PRELID2: variants seen among roughly 807,000 people sequenced by gnomAD.
The protein encoded by PRELID2 is PRELI domain containing 2.
In PRELID2, 25 loss-of-function variants were observed where a neutral mutation model predicts 28.4. That is an observed-to-expected ratio of 0.88 (90% CI 0.64 to 1.23). The LOEUF (loss-of-function observed/expected upper bound fraction) is 1.23. Ranked by LOEUF, PRELID2 falls within the 50% of genes most tolerant of loss-of-function variation. The pLI, the probability that PRELID2 is intolerant of heterozygous loss-of-function variation, is 0.00. For missense variants in PRELID2, 201 were observed against 214.4 expected, an observed-to-expected ratio of 0.94 and a Z score of 0.39; for synonymous variants, 76 against 71.6, an observed-to-expected ratio of 1.06 and a Z score of -0.31.
the PRELID2 span, among the ~76,000 whole-genome samples, chr5:145,232,218 TAA>T: frequency 6.6e-6 from 1 of 152,154 alleles, no homozygotes; most frequent in Non-Finnish European, 1.5e-5. Context: ...ATGATGATAA[TAA>T]AGTGTATATT....
chr5:145,775,270 G>C (rs1758342252), intron 5 of PRELID2, among the ~76,000 whole-genome samples: 1 of 151,858 alleles, frequency 6.6e-6, no homozygotes, highest in Admixed American at 6.6e-5. Flanking sequence ...GCATAATCCA[G>C]CTTCACACCC....
At chr5:145,738,472 G>C (rs13169344) in intron 1 of PRELID2, among the ~76,000 whole-genome samples, 135,345 of 152,146 alleles carry the variant, frequency 0.89, 60,248 homozygotes, top group East Asian at 0.99. Flanking sequence ...AGTAGAAAAT[G>C]TGAGCAAAAA....
chr5:145,684,855 A>C (rs1326837041), intron 1 of PRELID2, among the ~76,000 whole-genome samples: 2 of 152,204 alleles, frequency 1.3e-5, no homozygotes, highest in African/African-American at 4.8e-5. Context: ...AACAGTCATC[A>C]TGGAGTCTAA....
At chr5:145,480,778 C>T (rs938875060) in intron 1 of PRELID2, among the ~76,000 whole-genome samples, 6 of 152,144 alleles carry the variant, frequency 3.9e-5, no homozygotes, top group Admixed American at 6.5e-5. Context: ...AATTTGCTTT[C>T]ATAAAATTTC....
rs570056404 is a variant in PRELID2 at position 145,810,516 on chromosome 5, T to C, written c.368+7378A>G. On this transcript the variant is annotated intron_variant, in intron 4 of 6. Coordinates refer to ENST00000683046, the MANE Select transcript of PRELID2 (RefSeq NM_205846.3). ...GTTTCCCAGTCCCATGCCTCTCAAA[T>C]TGAGGCACTCATAGCCCCAAAGATG... Among the ~76,000 whole-genome samples, 37 of 152,322 alleles carry C rather than the reference T, an allele frequency of 2.4e-4. No individual in the cohort carries two copies. The South Asian group carries it at 2.7e-3, about 11-fold the overall frequency.
At chr5:145,464,750 T>C in the PRELID2 span, among the ~76,000 whole-genome samples, 3 of 152,186 alleles carry the variant, frequency 2.0e-5, no homozygotes, top group Non-Finnish European at 2.9e-5. Context: ...AAATTGGCAA[T>C]TGGTTGGCAT....
chr5:145,507,310 C>T (rs2126638196), intron 1 of PRELID2, among the ~76,000 whole-genome samples: 1 of 152,116 alleles, frequency 6.6e-6, no homozygotes, highest in East Asian at 1.9e-4. Flanking sequence ...CAGTGTATGA[C>T]CTAAGCCTTA....
At chr5:145,363,937 G>A in the PRELID2 span, among the ~76,000 whole-genome samples, 3 of 151,842 alleles carry the variant, frequency 2.0e-5, no homozygotes, top group African/African-American at 7.3e-5. Flanking sequence ...AATATTATTT[G>A]GAGAAAAAAA....
intron 1 of PRELID2, among the ~76,000 whole-genome samples, chr5:145,503,404 G>A (rs1233187401): frequency 6.6e-6 from 1 of 151,902 alleles, no homozygotes; most frequent in African/African-American, 2.4e-5. Context: ...CAAATATTTG[G>A]ACCACAGAAC....
At chr5:145,633,117 T>A (rs1460458835) in intron 1 of PRELID2, among the ~76,000 whole-genome samples, 2 of 152,142 alleles carry the variant, frequency 1.3e-5, no homozygotes, top group African/African-American at 2.4e-5. Context: ...TTTTCCCTAG[T>A]CAAGCCTCCA....
chr5:145,666,329 T>C (rs949305204), intron 1 of PRELID2, among the ~76,000 whole-genome samples: 3 of 152,070 alleles, frequency 2.0e-5, no homozygotes, highest in Non-Finnish European at 4.4e-5. Context: ...TTTCTGATTC[T>C]CAAGATATGG....
chr5:145,363,508 C>A, the PRELID2 span, among the ~76,000 whole-genome samples: 1 of 151,984 alleles, frequency 6.6e-6, no homozygotes, highest in African/African-American at 2.4e-5. Flanking sequence ...GCTAATTGTG[C>A]AAGTGTTGTG....
At chr5:145,434,464 A>T in the PRELID2 span, among the ~76,000 whole-genome samples, 1 of 152,202 alleles carries the variant, frequency 6.6e-6, no homozygotes, top group Admixed American at 6.5e-5. Flanking sequence ...ACACGTACAC[A>T]TGTACAGAGA....
At chr5:145,365,697 A>G in the PRELID2 span, among the ~76,000 whole-genome samples, 1 of 151,880 alleles carries the variant, frequency 6.6e-6, no homozygotes, top group Non-Finnish European at 1.5e-5. Context: ...TGGTCTATAA[A>G]TAATGTGCCT....
chr5:145,405,869 C>T, the PRELID2 span, among the ~76,000 whole-genome samples: 3 of 151,836 alleles, frequency 2.0e-5, no homozygotes, highest in Non-Finnish European at 4.4e-5. Flanking sequence ...CCATGCCTGG[C>T]TAATTTTTTG....
At chr5:145,544,554 G>GCTGT (rs1222847478) in intron 1 of PRELID2, among the ~76,000 whole-genome samples, 1 of 152,106 alleles carries the variant, frequency 6.6e-6, no homozygotes, top group Non-Finnish European at 1.5e-5. Flanking sequence ...CATCTCACCA[G>GCTGT]GATCTAGCTT....
chr5:145,271,270 C>T, the PRELID2 span, among the ~76,000 whole-genome samples: 1 of 152,096 alleles, frequency 6.6e-6, no homozygotes, highest in Non-Finnish European at 1.5e-5. Flanking sequence ...GGGTCACACC[C>T]TGTCACCCAG....
At chr5:145,681,117 C>T (rs554744190) in intron 1 of PRELID2, among the ~76,000 whole-genome samples, 9 of 152,306 alleles carry the variant, frequency 5.9e-5, no homozygotes, top group Non-Finnish European at 1.2e-4. Flanking sequence ...GGGGAAGCTG[C>T]TTCCCAGGTC....
At chr5:145,511,243 T>G (rs1479483563) in intron 1 of PRELID2, among the ~76,000 whole-genome samples, 1 of 152,248 alleles carries the variant, frequency 6.6e-6, no homozygotes, top group East Asian at 1.9e-4. Context: ...TGCACATGCA[T>G]AGCTTTAATT....
Sources: gnomAD v4.1 joint callset for allele counts (sites outside exome capture counted in the v4.1 genomes callset) on GRCh38, gnomAD v4.1.1 for gene constraint, MANE v1.5 for transcripts, NCBI Gene and HGNC (gene_info 2026-07-23, HGNC 2026-07-21) for gene names.